The following DOK5 variants were observed in gnomAD, a reference collection of about 807,000 sequenced individuals.
DOK5 encodes docking protein 5.
A neutral mutation model predicts 43.3 loss-of-function variants in DOK5; 27 were observed. The observed-to-expected ratio is 0.62, with a 90% CI of 0.46 to 0.86. The LOEUF is 0.86. Ranked by LOEUF, DOK5 falls within the 40% of genes least tolerant of loss-of-function variation. DOK5 has a pLI of 0.00. For synonymous variants in DOK5, 146 were observed against 140.1 expected (o/e 1.04, Z -0.30); for missense variants, 373 against 392.9 (o/e 0.95, Z 0.43).
At chr20:54,536,560 G>T (rs1048971637) in intron 1 of DOK5, among the ~76,000 whole-genome samples, 1 of 152,124 alleles carries the variant, frequency 6.6e-6, no homozygotes, top group Non-Finnish European at 1.5e-5. Flanking sequence ...TTGCCTCATA[G>T]ATCCCACACA....
intron 1 of DOK5, among the ~76,000 whole-genome samples, chr20:54,532,632 C>T (rs1003753403): frequency 6.6e-5 from 10 of 152,038 alleles, no homozygotes; most frequent in African/African-American, 9.7e-5. Context: ...CTTTATGTGC[C>T]GGGACTGCTG....
At chr20:54,621,733 C>T (rs1003775782) in intron 6 of DOK5, among the ~76,000 whole-genome samples, 3 of 151,762 alleles carry the variant, frequency 2.0e-5, no homozygotes, top group African/African-American at 7.3e-5. Context: ...CCTTAACATA[C>T]TGTATCAAAG....
At chr20:54,490,752 G>A (rs1026899344) in intron 1 of DOK5, among the ~76,000 whole-genome samples, 3 of 152,164 alleles carry the variant, frequency 2.0e-5, no homozygotes, top group Admixed American at 1.3e-4. Context: ...ACCACGCCCA[G>A]CTAATTTTTG....
intron 1 of DOK5, among the ~76,000 whole-genome samples, chr20:54,537,831 CTT>C (rs927019328): frequency 0.013 from 1,173 of 89,380 alleles, 6 homozygotes; most frequent in African/African-American, 0.048. Flanking sequence ...TGTACAAGTT[CTT>C]TTTTTTTTTT....
At chr20:54,581,059 G>C (rs1167194000) in intron 2 of DOK5, among the ~76,000 whole-genome samples, 1 of 151,964 alleles carries the variant, frequency 6.6e-6, no homozygotes, top group Non-Finnish European at 1.5e-5. Context: ...TTTGTTTATG[G>C]TGAAGTAAGG....
chr20:54,622,252 C>T (rs1987003556), intron 6 of DOK5, among the ~76,000 whole-genome samples: 1 of 151,918 alleles, frequency 6.6e-6, no homozygotes, highest in Non-Finnish European at 1.5e-5. Context: ...GATTAACCTA[C>T]ATTTACTAAT....
intron 1 of DOK5, among the ~76,000 whole-genome samples, chr20:54,490,818 G>A (rs1053593304): frequency 6.6e-6 from 1 of 152,126 alleles, no homozygotes; most frequent in Non-Finnish European, 1.5e-5. Flanking sequence ...TCGATCTCTT[G>A]ACCTTGTGAT....
At chr20:54,646,966 A>G (rs1048760223) in intron 7 of DOK5, among the ~76,000 whole-genome samples, 5 of 151,692 alleles carry the variant, frequency 3.3e-5, no homozygotes, top group Admixed American at 6.6e-5. Context: ...GGAATTTAAC[A>G]AATTGGTTTG....
chr20:54,647,437 A>G (rs1979487250), intron 7 of DOK5, among the ~76,000 whole-genome samples: 1 of 151,498 alleles, frequency 6.6e-6, no homozygotes, highest in African/African-American at 2.4e-5. Context: ...CCCAGGAGGC[A>G]GAGGTTGCAG....
At chr20:54,591,879 A>T (rs545701001) in intron 5 of DOK5, 74 bp downstream of exon 5, 1 of 1,363,164 alleles carries the variant, frequency 7.3e-7, no homozygotes, top group South Asian at 1.4e-5. Flanking sequence ...TGCTCGCATC[A>T]TATGAGGCGG....
chr20:54,495,633 G>C (rs1982362028), intron 1 of DOK5, among the ~76,000 whole-genome samples: 1 of 152,228 alleles, frequency 6.6e-6, no homozygotes. Flanking sequence ...GCTCACGCCT[G>C]TAATCCCAGC....
intron 2 of DOK5, among the ~76,000 whole-genome samples, chr20:54,571,403 G>C (rs955756513): frequency 2.0e-5 from 3 of 152,170 alleles, no homozygotes; most frequent in African/African-American, 7.2e-5. Context: ...CATTCTGAGA[G>C]ATTCCATTTG....
At chr20:54,598,714 T>C (rs1184748295) in intron 5 of DOK5, among the ~76,000 whole-genome samples, 2 of 152,236 alleles carry the variant, frequency 1.3e-5, no homozygotes, top group Non-Finnish European at 2.9e-5. Context: ...CTCTTGTGCT[T>C]TTGACATCGT....
intron 1 of DOK5, among the ~76,000 whole-genome samples, chr20:54,506,709 C>T (rs1982818915): frequency 1.3e-5 from 2 of 152,212 alleles, no homozygotes; most frequent in Non-Finnish European, 2.9e-5. Flanking sequence ...GATCCTCCCT[C>T]CTTGGCCTCT....
intron 1 of DOK5, among the ~76,000 whole-genome samples, chr20:54,540,338 G>T (rs150591275): frequency 1.1e-3 from 170 of 152,178 alleles, no homozygotes; most frequent in African/African-American, 4.1e-3. Flanking sequence ...TTTCCTCATT[G>T]CTTGGGACAG....
At chr20:54,535,699 G>A (rs1475842270) in intron 1 of DOK5, among the ~76,000 whole-genome samples, 1 of 152,104 alleles carries the variant, frequency 6.6e-6, no homozygotes, top group Non-Finnish European at 1.5e-5. Context: ...CAAATGGCCA[G>A]CAGAGCCCTT....
At chr20:54,617,190 C>T (rs999934555) in intron 6 of DOK5, among the ~76,000 whole-genome samples, 3 of 152,160 alleles carry the variant, frequency 2.0e-5, no homozygotes, top group African/African-American at 7.2e-5. Flanking sequence ...GGACAGAGGC[C>T]ACTCTCAGCT....
chr20:54,637,334 T>C (rs537578814), intron 6 of DOK5, among the ~76,000 whole-genome samples: 1 of 152,370 alleles, frequency 6.6e-6, no homozygotes, highest in Middle Eastern at 3.4e-3. Context: ...ATTCATGCTG[T>C]TTAGAGGGAA....
chr20:54,573,609 T>G (rs35646814), intron 2 of DOK5, among the ~76,000 whole-genome samples: 1 of 148,290 alleles, frequency 6.7e-6, no homozygotes, highest in African/African-American at 2.5e-5. Context: ...ATCGCTTGAA[T>G]CTGGGAGGCA....
Sources: allele counts gnomAD v4.1 joint callset (sites outside exome capture counted in the v4.1 genomes callset), GRCh38; gene constraint gnomAD v4.1.1; transcripts MANE v1.5; gene names NCBI Gene and HGNC (gene_info 2026-07-23, HGNC 2026-07-21).